Variants in ZNF320 observed in about 807,000 individuals in gnomAD.
The protein encoded by ZNF320 is zinc finger protein 320, also known as zinc finger gene 320.
ZNF320 carries 2 observed loss-of-function variants against 6.8 expected under a neutral mutation model. The ratio of observed to expected loss-of-function variants is 0.29; its 90% CI spans 0.12 to 0.93. The LOEUF is 0.93. Ranked by LOEUF, ZNF320 falls within the 40% of genes least tolerant of loss-of-function variation. ZNF320 has a pLI of 0.55. For synonymous variants in ZNF320, 208 were observed against 203.2 expected (o/e 1.02, Z -0.20); for missense variants, 472 against 611.0 (o/e 0.77, Z 2.40).
intron 5 of ZNF320, among the ~76,000 whole-genome samples, chr19:52,869,219 T>A (rs1044295488): frequency 6.6e-6 from 1 of 152,142 alleles, no homozygotes; most frequent in Non-Finnish European, 1.5e-5. Flanking sequence ...AATTACAATA[T>A]GGGCAAGGGA....
At chr19:52,894,475 G>T (rs1320052334) in intron 1 of ZNF320, among the ~76,000 whole-genome samples, 1 of 151,948 alleles carries the variant, frequency 6.6e-6, no homozygotes, top group East Asian at 1.9e-4. Context: ...CCATGTCTAA[G>T]GTTCTGATGG....
At chr19:52,890,418 G>T in intron 3 of ZNF320, 90 bp from the exon 4 acceptor site, 2 of 1,056,894 alleles carry the variant, frequency 1.9e-6, no homozygotes, top group Non-Finnish European at 2.7e-6. Flanking sequence ...GCCTCACCCT[G>T]GGAAATATGG....
intron 5 of ZNF320, among the ~76,000 whole-genome samples, chr19:52,864,711 A>T (rs887376129): frequency 1.3e-5 from 2 of 152,106 alleles, no homozygotes; most frequent in African/African-American, 4.8e-5. Flanking sequence ...ACTCCATCTC[A>T]ATAAAATAAA....
downstream of ZNF320, among the ~76,000 whole-genome samples, chr19:52,860,608 A>AAAAAG (rs1339401053): frequency 6.6e-6 from 1 of 151,586 alleles, no homozygotes; most frequent in Non-Finnish European, 1.5e-5. Flanking sequence ...AAAAAAAAAA[A>AAAAAG]AAGAAAAAGA....
chr19:52,902,541 G>A (rs376675286), upstream of ZNF320, among the ~76,000 whole-genome samples: 10 of 152,342 alleles, frequency 6.6e-5, no homozygotes, highest in East Asian at 1.7e-3. Context: ...TTTGTTTTAA[G>A]TCTTTAACTT....
At chr19:52,860,580 CAA>C (rs1197854581), downstream of ZNF320, among the ~76,000 whole-genome samples, 2 of 118,232 alleles carry the variant, frequency 1.7e-5, no homozygotes, top group Non-Finnish European at 3.4e-5. Flanking sequence ...GCCTGGATGA[CAA>C]GAGTGAAACG....
chr19:52,864,183 T>A (rs762315587), intron 5 of ZNF320: 11 of 232,700 alleles, frequency 4.7e-5, no homozygotes, highest in Non-Finnish European at 8.9e-5. Flanking sequence ...CACGTTTAAA[T>A]AAAACATTAT....
At chr19:52,903,423 G>A in the ZNF320 span, among the ~76,000 whole-genome samples, 1 of 152,010 alleles carries the variant, frequency 6.6e-6, no homozygotes, top group Non-Finnish European at 1.5e-5. Context: ...CTACTGTGGG[G>A]GGCGGGGGGA....
exon 6 of ZNF320, chr19:52,862,339 C>A (rs1022351819): frequency 7.6e-6 from 4 of 524,954 alleles, no homozygotes; most frequent in Non-Finnish European, 1.5e-5. Flanking sequence ...TTATCACAAA[C>A]CTTACATTTG....
Position 52,879,078 on chromosome 19 carries a change from C to CT in ZNF320, c.*1517dup, listed in dbSNP as rs1417621981. The stretch of plus-strand genomic sequence containing the variant: ...CTTTTCAAACTCATGTCTTACCCAT[C>CT]TGAGTGCCTCAAACCAAACCCTGTT... On this transcript the variant is annotated 3_prime_UTR_variant, in exon 6 of 6. Coordinates refer to ENST00000682928, the MANE Select transcript of ZNF320 (RefSeq NM_001351774.2). 4 of 152,318 alleles carry CT rather than the reference C, an allele frequency of 2.6e-5. No homozygotes were observed. Among genetic ancestry groups the CT allele is most frequent in the Admixed American group, 2.6e-4 (4 of 15,300 alleles). 9.4% of individuals were successfully genotyped at this position (152,318 alleles called of 1,614,324 possible). A position where few individuals can be genotyped will look rare whatever the true frequency, so the allele number is the denominator to read the frequency against.
intron 5 of ZNF320, among the ~76,000 whole-genome samples, chr19:52,870,308 G>A (rs957471665): frequency 6.6e-6 from 1 of 151,212 alleles, no homozygotes; most frequent in African/African-American, 2.4e-5. Flanking sequence ...GTGAAACCTC[G>A]TCTCTACTAA....
chr19:52,898,719 C>T (rs902534993), upstream of ZNF320, among the ~76,000 whole-genome samples: 2 of 152,148 alleles, frequency 1.3e-5, no homozygotes, highest in African/African-American at 4.8e-5. Context: ...AGCGAGCAGG[C>T]GGTACGTGAC....
In ZNF320 at chr19:52,862,670, T is replaced by G. The variant is rs889683300; in HGVS notation, c.*1359A>C. 5.1e-6 allele frequency: 3 copies of G among 585,572 alleles called. No individual in the cohort carries two copies. The African/African-American group carries it at 5.7e-5, about 11-fold the overall frequency. 36.3% of individuals were successfully genotyped at this position (585,572 alleles called of 1,614,324 possible). A position where few individuals can be genotyped will look rare whatever the true frequency, so the allele number is the denominator to read the frequency against. ...GGCTTTGCCACACTCATTACACTTG[T>G]AAGGTTTCTCTCCAGTGTGAATTTC... On this transcript the variant is annotated 3_prime_UTR_variant, in exon 6 of 6. Coordinates refer to the ZNF320 transcript ENST00000673631.
At chr19:52,900,636 AT>A (rs2064568254), upstream of ZNF320, among the ~76,000 whole-genome samples, 1 of 151,980 alleles carries the variant, frequency 6.6e-6, no homozygotes, top group Non-Finnish European at 1.5e-5. Flanking sequence ...TCTGGAGAGC[AT>A]TTTTCAACTT....
At chr19:52,894,456 T>A (rs2064410434) in intron 1 of ZNF320, among the ~76,000 whole-genome samples, 1 of 151,462 alleles carries the variant, frequency 6.6e-6, no homozygotes, top group Non-Finnish European at 1.5e-5. Flanking sequence ...GCAAAAGGAA[T>A]GTCTCTCTCC....
chr19:52,867,208 T>G (rs1465170839), intron 5 of ZNF320, among the ~76,000 whole-genome samples: 2 of 152,072 alleles, frequency 1.3e-5, no homozygotes, highest in Non-Finnish European at 2.9e-5. Context: ...ATTTATGTAT[T>G]TATTTTTTGA....
chr19:52,885,952 C>T (rs117724450), intron 5 of ZNF320, among the ~76,000 whole-genome samples: 2,179 of 151,954 alleles, frequency 0.014, 28 homozygotes, highest in Non-Finnish European at 0.021. Context: ...TACAGAAACT[C>T]GCATACGTAT....
intron 2 of ZNF320, among the ~76,000 whole-genome samples, chr19:52,892,974 C>G (rs1026414756): frequency 4.6e-5 from 7 of 152,126 alleles, no homozygotes; most frequent in Admixed American, 6.6e-5. Context: ...CTACATTTCT[C>G]CAGTTGCTTT....
chr19:52,899,628 A>AT (rs2064564576), upstream of ZNF320, among the ~76,000 whole-genome samples: 1 of 151,722 alleles, frequency 6.6e-6, no homozygotes, highest in Admixed American at 6.6e-5. Flanking sequence ...CACCCGGCTA[A>AT]TTTTTTGTAT....
Sources: allele counts gnomAD v4.1 joint callset (sites outside exome capture counted in the v4.1 genomes callset), GRCh38; gene constraint gnomAD v4.1.1; transcripts MANE v1.5; gene names NCBI Gene and HGNC (gene_info 2026-07-23, HGNC 2026-07-21).